NRXN1: variants seen among roughly 807,000 people sequenced by gnomAD.
NRXN1 encodes neurexin 1, also known as neurexin-1.
In NRXN1, 39 loss-of-function variants were observed where a neutral mutation model predicts 150.9. The observed-to-expected ratio is 0.26, with a 90% confidence interval of 0.20 to 0.34. NRXN1 has a LOEUF of 0.34. Among genes scored for constraint, NRXN1 ranks in the 10% least tolerant of loss-of-function variants. The pLI is 1.00. For missense variants in NRXN1, 1,815 were observed against 1,949.9 expected (o/e 0.93, Z 1.30); for synonymous variants, 924 against 757.0 (o/e 1.22, Z -3.62).
At chr2:50,104,172 C>A (rs181451345) in intron 18 of NRXN1, among the ~76,000 whole-genome samples, 1 of 152,014 alleles carries the variant, frequency 6.6e-6, no homozygotes, top group Non-Finnish European at 1.5e-5. Flanking sequence ...AAGACATCTA[C>A]TTAAAAGTCT....
intron 6 of NRXN1, among the ~76,000 whole-genome samples, chr2:50,622,654 T>C (rs1680237551): frequency 6.6e-6 from 1 of 152,314 alleles, no homozygotes; most frequent in East Asian, 1.9e-4. Context: ...TCCTAGTATA[T>C]AGCATCTTGA....
chr2:50,795,930 G>T (rs939768631), intron 5 of NRXN1, among the ~76,000 whole-genome samples: 1 of 151,854 alleles, frequency 6.6e-6, no homozygotes, highest in Admixed American at 6.6e-5. Flanking sequence ...AATGTACTGA[G>T]TCAGGGGCTG....
chr2:50,618,360 GA>G lies in NRXN1; in HGVS notation c.1320+1661del, dbSNP rs1335043008. ...TCTGTGTTTCTCTCCTTGTCTTCTAGAACTCTCACTCATCTCACCCTCTTTT... is the reference window on the plus strand; with the variant it reads ...TCTGTGTTTCTCTCCTTGTCTTCTAGACTCTCACTCATCTCACCCTCTTTT... On this transcript the variant is annotated intron_variant, in intron 8 of 22. Transcript: ENST00000401669. Among the ~76,000 whole-genome samples the G allele has an allele frequency of 5.3e-5, 8 of 152,016 alleles. No individual in the cohort carries two copies. In the East Asian group the frequency reaches 1.5e-3, roughly 29 times the overall value.
At chr2:50,523,557 T>G (rs1470599199) in intron 12 of NRXN1, among the ~76,000 whole-genome samples, 2 of 152,218 alleles carry the variant, frequency 1.3e-5, no homozygotes, top group Non-Finnish European at 2.9e-5. Flanking sequence ...ATGGCTTAAG[T>G]GCCAGTGGTT....
At chr2:50,759,485 A>G (rs1701543495) in intron 5 of NRXN1, among the ~76,000 whole-genome samples, 1 of 151,972 alleles carries the variant, frequency 6.6e-6, no homozygotes, top group African/African-American at 2.4e-5. Context: ...ACGCAAGTCA[A>G]TGAATCACTA....
chr2:50,062,938 T>C (rs1174631750), intron 19 of NRXN1, among the ~76,000 whole-genome samples: 2 of 152,186 alleles, frequency 1.3e-5, no homozygotes, highest in African/African-American at 4.8e-5. Flanking sequence ...GACTTGCTTC[T>C]TTGGAAGGCT....
chr2:50,675,699 T>C (rs548245990), intron 5 of NRXN1, among the ~76,000 whole-genome samples: 1 of 152,162 alleles, frequency 6.6e-6, no homozygotes, highest in Non-Finnish European at 1.5e-5. Context: ...ACTGTTAACA[T>C]GGCATAAATG....
At chr2:50,935,862 T>A (rs1402507020) in intron 2 of NRXN1, among the ~76,000 whole-genome samples, 1 of 152,200 alleles carries the variant, frequency 6.6e-6, no homozygotes, top group Non-Finnish European at 1.5e-5. Flanking sequence ...TAAAAATTTA[T>A]AATAGACTTT....
intron 5 of NRXN1, among the ~76,000 whole-genome samples, chr2:50,844,121 T>G (rs899981422): frequency 3.9e-5 from 6 of 152,118 alleles, no homozygotes; most frequent in African/African-American, 1.4e-4. Context: ...GTGAGACTTT[T>G]AATACTAGTC....
At chr2:50,200,102 C>A (rs1195558253) in intron 18 of NRXN1, among the ~76,000 whole-genome samples, 1 of 152,044 alleles carries the variant, frequency 6.6e-6, no homozygotes, top group Non-Finnish European at 1.5e-5. Flanking sequence ...TATGAATGTA[C>A]AATCTACTCA....
chr2:50,521,654 C>A (rs911699764), intron 12 of NRXN1, among the ~76,000 whole-genome samples: 2 of 152,118 alleles, frequency 1.3e-5, no homozygotes, highest in Admixed American at 1.3e-4. Context: ...ACATGTTAGC[C>A]AGTAATCTGT....
intron 17 of NRXN1, among the ~76,000 whole-genome samples, chr2:50,285,766 T>C (rs1157967640): frequency 6.6e-6 from 1 of 152,072 alleles, no homozygotes; most frequent in Non-Finnish European, 1.5e-5. Flanking sequence ...AATAACTTCA[T>C]GAAATTCAAC....
intron 5 of NRXN1, among the ~76,000 whole-genome samples, chr2:50,751,905 A>G (rs1700638014): frequency 6.6e-6 from 1 of 151,576 alleles, no homozygotes; most frequent in African/African-American, 2.4e-5. Flanking sequence ...GAGGGTTGAA[A>G]CCTCCTCCAC....
Position 50,616,977 on chromosome 2 carries a change from T to A in NRXN1, c.1320+3045A>T, listed in dbSNP as rs1010566682. 3.3e-5 allele frequency among the ~76,000 whole-genome samples: 5 copies of A among 152,188 alleles called. No individual in the cohort carries two copies. In the East Asian group the frequency reaches 9.6e-4, roughly 29 times the overall value. The stretch of plus-strand genomic sequence containing the variant: ...TTCTGTGAGAATGAACATGGGTATA[T>A]CCCTCTCTTTTCAGTAACTTCACAA... On this transcript the variant is annotated intron_variant, in intron 8 of 22. Coordinates refer to ENST00000401669, the MANE Select transcript of NRXN1 (RefSeq NM_001330078.2).
intron 5 of NRXN1, among the ~76,000 whole-genome samples, chr2:50,678,854 C>A (rs993377612): frequency 1.3e-5 from 2 of 151,894 alleles, no homozygotes; most frequent in African/African-American, 4.8e-5. Context: ...CAAATTAGAA[C>A]CCATAAGTTA....
intron 18 of NRXN1, among the ~76,000 whole-genome samples, chr2:50,216,910 T>C (rs969524525): frequency 2.4e-4 from 37 of 152,214 alleles, no homozygotes; most frequent in Admixed American, 1.8e-3. Context: ...TGAAATATCA[T>C]TATTATTTTT....
intron 8 of NRXN1, among the ~76,000 whole-genome samples, chr2:50,566,407 C>G (rs1358902520): frequency 3.4e-5 from 3 of 87,688 alleles, no homozygotes; most frequent in African/African-American, 2.0e-4. Flanking sequence ...CCACGCCCAG[C>G]TATTTTTTTT....
intron 5 of NRXN1, among the ~76,000 whole-genome samples, chr2:50,887,448 A>G (rs1680420345): frequency 2.6e-5 from 4 of 151,460 alleles, no homozygotes; most frequent in Admixed American, 6.6e-5. Flanking sequence ...TTCCTGCTCT[A>G]AAAAGATGAA....
chr2:50,865,755 G>T (rs947999535), intron 5 of NRXN1, among the ~76,000 whole-genome samples: 3 of 132,390 alleles, frequency 2.3e-5, no homozygotes, highest in Admixed American at 8.7e-5. Flanking sequence ...TTTTTTGGTG[G>T]TGGGGGGATG....
Sources: gnomAD v4.1 joint callset for allele counts (sites outside exome capture counted in the v4.1 genomes callset) on GRCh38, gnomAD v4.1.1 for gene constraint, MANE v1.5 for transcripts, NCBI Gene and HGNC (gene_info 2026-07-23, HGNC 2026-07-21) for gene names.